KATNBL1: variants seen among roughly 807,000 people sequenced by gnomAD.
The protein encoded by KATNBL1 is KATNB1-like protein 1.
KATNBL1 carries 28 observed loss-of-function variants against 44.7 expected under a neutral mutation model. The observed-to-expected ratio is 0.63, with a 90% CI of 0.46 to 0.86. The LOEUF is 0.86. KATNBL1 is among the 40% of genes least tolerant of loss of function. KATNBL1 has a pLI of 0.00. For missense variants in KATNBL1, 272 were observed against 350.7 expected (o/e 0.78, Z 1.79); for synonymous variants, 78 against 114.9 (o/e 0.68, Z 2.06).
intron 1 of KATNBL1, among the ~76,000 whole-genome samples, chr15:34,196,799 T>C (rs1387479906): frequency 6.6e-6 from 1 of 152,234 alleles, no homozygotes; most frequent in African/African-American, 2.4e-5. Flanking sequence ...TAGTTTGGGC[T>C]TAAAGTGGCT....
At chr15:34,166,504 G>A (rs1369654222) in intron 1 of KATNBL1, among the ~76,000 whole-genome samples, 2 of 152,270 alleles carry the variant, frequency 1.3e-5, no homozygotes, top group African/African-American at 4.8e-5. Flanking sequence ...CACCTCTGGG[G>A]TCAGGGCATA....
intron 1 of KATNBL1, among the ~76,000 whole-genome samples, chr15:34,172,764 C>CAG (rs1555528616): frequency 2.6e-4 from 10 of 38,310 alleles, no homozygotes; most frequent in African/African-American, 1.8e-3. Context: ...GACACAGACA[C>CAG]ACACACACAC....
At chr15:34,145,745 A>G (rs1888289046) in intron 8 of KATNBL1, 1 of 185,080 alleles carries the variant, frequency 5.4e-6, no homozygotes. Context: ...CTCCTATTTA[A>G]TTAATTCTTG....
In KATNBL1 at chr15:34,154,388, T is replaced by C. The variant is rs8040732; in HGVS notation, c.158+256A>G. Reference sequence around the variant, plus strand: ...TAGCTATATGATTCTGAACAAATCATTTAACTTATCTGATCTTAAGTTTTC... The same window carrying C: ...TAGCTATATGATTCTGAACAAATCACTTAACTTATCTGATCTTAAGTTTTC... On this transcript the variant is annotated intron_variant, in intron 3 of 9. Transcript: ENST00000256544. 0.33 allele frequency among the ~76,000 whole-genome samples: 49,804 copies of C among 152,060 alleles called. 8,571 individuals carry two copies. Among genetic ancestry groups the C allele is most frequent in the African/African-American group, 0.45 (18,751 of 41,436 alleles).
intron 4 of KATNBL1, among the ~76,000 whole-genome samples, chr15:34,150,313 A>T (rs1888430434): frequency 6.6e-6 from 1 of 152,204 alleles, no homozygotes; most frequent in Non-Finnish European, 1.5e-5. Context: ...TATTCTGGCC[A>T]GGCACAGTGG....
chr15:34,172,252 T>C lies in KATNBL1; in HGVS notation c.-14-8562A>G, dbSNP rs542387950. Among the ~76,000 whole-genome samples the C allele has an allele frequency of 4.1e-4, 43 of 104,100 alleles. 1 individual carries two copies. The Admixed American group carries it at 4.4e-3, about 11-fold the overall frequency. The allele number at this position is 104,100 out of a possible 152,430, so 68.3% of individuals were successfully genotyped here. A position where few individuals can be genotyped will look rare whatever the true frequency, so the allele number is the denominator to read the frequency against. On this transcript the variant is annotated intron_variant, in intron 1 of 9. Coordinates refer to ENST00000256544, the MANE Select transcript of KATNBL1 (RefSeq NM_024713.3). ...TAAAACAGAGTCCTTGGGAGGAACATATTCTTTTTTTTTTTTTTTTTTGAG... is the reference window on the plus strand; with the variant it reads ...TAAAACAGAGTCCTTGGGAGGAACACATTCTTTTTTTTTTTTTTTTTTGAG...
At position 34,193,807 on chromosome 15, in the gene KATNBL1, G is replaced by A. The variant is rs115361210; in HGVS notation, c.-15+16144C>T. On this transcript the variant is annotated intron_variant, in intron 1 of 9. Coordinates refer to ENST00000256544, the MANE Select transcript of KATNBL1 (RefSeq NM_024713.3). ...GTTGAGGCTGCAGTGAGCCAAAATTGCACCACTGTACTCCAGCGTGGGTGA... is the reference window on the plus strand; with the variant it reads ...GTTGAGGCTGCAGTGAGCCAAAATTACACCACTGTACTCCAGCGTGGGTGA... Among the ~76,000 whole-genome samples, 441 of 117,894 alleles carry A rather than the reference G, an allele frequency of 3.7e-3. 5 individuals are homozygous for A. Among genetic ancestry groups the A allele is most frequent in the African/African-American group, 0.014 (421 of 30,390 alleles). The allele number at this position is 117,894 out of a possible 152,430, so 77.3% of individuals were successfully genotyped here.
intron 1 of KATNBL1, among the ~76,000 whole-genome samples, chr15:34,203,256 T>G (rs1890215083): frequency 6.6e-6 from 1 of 152,190 alleles, no homozygotes; most frequent in African/African-American, 2.4e-5. Flanking sequence ...TCTTTTTTCC[T>G]TAATAACCTA....
chr15:34,152,988 T>C lies in KATNBL1; in HGVS notation c.240A>G (p.Pro80=), dbSNP rs754587902. The C allele has an allele frequency of 6.2e-7, 1 of 1,613,980 alleles. No individual in the cohort carries two copies. Among genetic ancestry groups the C allele is most frequent in the Admixed American group, 1.7e-5 (1 of 60,032 alleles). The change falls in exon 4 of 10, where the codon CCA becomes CCG. Residue 80 remains proline, a synonymous_variant. Coordinates refer to ENST00000256544, the MANE Select transcript of KATNBL1 (RefSeq NM_024713.3). The part of the protein sequence containing the change: ...YRRKKVHHPF[P]NPCYRKKQSP... ...ACTGTTTTTTTCTGTAACAAGGATT[T>C]GGAAAGGGATGATGAACTTTCTTTC...
At chr15:34,142,802 C>T (rs1365680867) in intron 9 of KATNBL1, 1 of 293,384 alleles carries the variant, frequency 3.4e-6, no homozygotes, top group Non-Finnish European at 6.6e-6. Flanking sequence ...ACCTCCACCT[C>T]CAGGGTTCAA....
intron 1 of KATNBL1, among the ~76,000 whole-genome samples, chr15:34,202,946 A>G (rs7179249): frequency 0.15 from 23,437 of 152,086 alleles, 1,949 homozygotes; most frequent in African/African-American, 0.21. Flanking sequence ...AGCCAAGATC[A>G]CGCCATTGCA....
chr15:34,161,897 T>C (rs1401692777), intron 2 of KATNBL1, among the ~76,000 whole-genome samples: 2 of 152,122 alleles, frequency 1.3e-5, no homozygotes, highest in African/African-American at 4.8e-5. Flanking sequence ...AACTTTAAAA[T>C]GGAGAACAAA....
At position 34,191,180 on chromosome 15, in the gene KATNBL1, TA is replaced by T. The variant is rs1567535842; in HGVS notation, c.-15+18770del. ...ATATATATATATATATATATATATA[TA>T]TATATATTTGGTAGGGCTTCTTTCA... On this transcript the variant is annotated intron_variant, in intron 1 of 9. Transcript: ENST00000256544. 2.2e-4 allele frequency among the ~76,000 whole-genome samples: 31 copies of T among 140,472 alleles called. No homozygotes were observed. In the East Asian group the frequency reaches 5.9e-3, roughly 27 times the overall value. 92.2% of individuals were successfully genotyped at this position (140,472 alleles called of 152,430 possible).
chr15:34,194,254 A>C (rs1351150967), intron 1 of KATNBL1, among the ~76,000 whole-genome samples: 1 of 152,018 alleles, frequency 6.6e-6, no homozygotes, highest in Non-Finnish European at 1.5e-5. Context: ...GTTTAGTTTT[A>C]TATGCTGCAT....
In KATNBL1 at chr15:34,152,945, A is replaced by G. The variant is rs760840166; in HGVS notation, c.283T>C (p.Cys95Arg). 5.0e-6 allele frequency: 8 copies of G among 1,614,052 alleles called. No homozygotes were observed. The African/African-American group carries it at 1.1e-4, about 22-fold the overall frequency. The change falls in exon 4 of 10, where the codon TGT becomes CGT. Residue 95 changes from cysteine to arginine, a missense_variant. Around this residue, in one of 3 missense-constraint regions of KATNBL1, gnomAD observed 122 missense variants for 125.0 expected, o/e 0.98. Coordinates refer to ENST00000256544, the MANE Select transcript of KATNBL1 (RefSeq NM_024713.3). ...TCATTTTCTTTATTTGCCATGTCAC[A>G]GCCCCCACTTCCAGGGGACTGTTTT... is the stretch of plus-strand genomic sequence containing the variant. ...RKKQSPGSGG[C>R]DMANKENELA... is the part of the protein sequence containing the mutation.
chr15:34,173,488 C>T (rs1052761310), intron 1 of KATNBL1, among the ~76,000 whole-genome samples: 2 of 151,944 alleles, frequency 1.3e-5, no homozygotes, highest in South Asian at 2.1e-4. Flanking sequence ...GTAAGAGAAA[C>T]GTATCTTCAG....
rs957936576 is a variant in KATNBL1, at chr15:34,171,636, T to C, written c.-14-7946A>G. ...ATGCTACTATAAAGACACATGAACA[T>C]GTATGTTTATTGCAGCACTATTCAC... On this transcript the variant is annotated intron_variant, in intron 1 of 9. Coordinates refer to ENST00000256544, the MANE Select transcript of KATNBL1 (RefSeq NM_024713.3). Among the ~76,000 whole-genome samples the C allele has an allele frequency of 7.2e-5, 11 of 152,266 alleles. 1 individual carries two copies. The highest frequency in any genetic ancestry group is 3.9e-4 in the Admixed American group (6 of 15,300).
chr15:34,144,258 T>C (rs901745160), intron 9 of KATNBL1, among the ~76,000 whole-genome samples: 6 of 151,916 alleles, frequency 3.9e-5, no homozygotes, highest in African/African-American at 1.4e-4. Context: ...GCTGAACTTA[T>C]CTTGGAGTAG....
At chr15:34,151,435 A>ATTTTTTTTTTT (rs1491367010) in intron 4 of KATNBL1, among the ~76,000 whole-genome samples, 4 of 63,826 alleles carry the variant, frequency 6.3e-5, no homozygotes, top group Non-Finnish European at 9.6e-5. Context: ...TCCTTTGCCT[A>ATTTTTTTTTTT]CTTTTTTTTT....
Sources: gnomAD v4.1 joint callset for allele counts (sites outside exome capture counted in the v4.1 genomes callset) on GRCh38, gnomAD v4.1.1 for gene constraint, gnomAD v4.1.1 regional missense constraint, MANE v1.5 for transcripts, NCBI Gene and HGNC (gene_info 2026-07-23, HGNC 2026-07-21) for gene names.